Variants in PRKAR1B observed in about 807,000 individuals in gnomAD.
The protein encoded by PRKAR1B is protein kinase cAMP-dependent type I regulatory subunit beta, also known as cAMP-dependent protein kinase type I-beta regulatory subunit.
In PRKAR1B, 22 loss-of-function variants were observed where a neutral mutation model predicts 46.5. The observed-to-expected ratio is 0.47, with a 90% CI of 0.34 to 0.68. The LOEUF (loss-of-function observed/expected upper bound fraction) is 0.68. Among genes scored for constraint, PRKAR1B ranks in the 30% least tolerant of loss-of-function variants. The probability of loss-of-function intolerance (pLI) is 0.01; values close to 1 mark genes in which losing one functional copy is unlikely to be tolerated. For synonymous variants in PRKAR1B, 259 were observed against 217.7 expected, an observed-to-expected ratio of 1.19 and a Z score of -1.67; for missense variants, 445 against 535.6, an observed-to-expected ratio of 0.83 and a Z score of 1.67.
In PRKAR1B at chr7:673,075, A is replaced by AAAAC. The variant is rs1562605347; in HGVS notation, c.440+4150_440+4153dup. ...AAAAAAAAAAAAAAAAAAAAAAAAA[A>AAAAC]AAACACACACACACAGAATGGACAG... On this transcript the variant is annotated intron_variant, in intron 4 of 10. Coordinates refer to ENST00000537384, the MANE Select transcript of PRKAR1B (RefSeq NM_001164760.2). 2.8e-5 allele frequency among the ~76,000 whole-genome samples: 4 copies of AAAAC among 142,188 alleles called. No individual in the cohort carries two copies. In the East Asian group the frequency reaches 6.1e-4, roughly 22 times the overall value. 93.3% of individuals were successfully genotyped at this position (142,188 alleles called of 152,430 possible).
At chr7:583,228 C>A (rs990989403) in intron 8 of PRKAR1B, among the ~76,000 whole-genome samples, 2 of 152,254 alleles carry the variant, frequency 1.3e-5, no homozygotes, top group East Asian at 3.9e-4. Context: ...CATTTTACCA[C>A]AATGGAAAGA....
chr7:625,714 A>G (rs1212128302), intron 4 of PRKAR1B, among the ~76,000 whole-genome samples: 4 of 152,190 alleles, frequency 2.6e-5, no homozygotes, highest in Admixed American at 2.0e-4. Context: ...ATATTATGAA[A>G]AACTCTATGA....
chr7:670,462 G>A (rs1170533910), intron 4 of PRKAR1B, among the ~76,000 whole-genome samples: 3 of 152,262 alleles, frequency 2.0e-5, no homozygotes, highest in Non-Finnish European at 4.4e-5. Flanking sequence ...GGCGGCCTGG[G>A]CCTCTGAGCT....
chr7:673,077 A>AAAAAAAG (rs1554301104), intron 4 of PRKAR1B, among the ~76,000 whole-genome samples: 1 of 116,244 alleles, frequency 8.6e-6, no homozygotes, highest in Non-Finnish European at 1.7e-5. Context: ...AAAAAAAAAA[A>AAAAAAAG]ACACACACAC....
chr7:631,024 C>T (rs1452681170), intron 4 of PRKAR1B, among the ~76,000 whole-genome samples: 3 of 151,020 alleles, frequency 2.0e-5, no homozygotes, highest in Non-Finnish European at 4.4e-5. Flanking sequence ...ACAATCTTGG[C>T]TCACTGCAAC....
chr7:696,695 C>T (rs1417139986), intron 2 of PRKAR1B: 1 of 152,264 alleles, frequency 6.6e-6, no homozygotes, highest in Non-Finnish European at 1.5e-5. Context: ...GAACCAGAAG[C>T]CGCTTCTCTT....
At chr7:688,955 T>C (rs1330262545) in intron 2 of PRKAR1B, among the ~76,000 whole-genome samples, 2 of 152,146 alleles carry the variant, frequency 1.3e-5, no homozygotes, top group East Asian at 1.9e-4. Context: ...GGCAAGATCA[T>C]GTGATCAAAA....
chr7:551,759 C>T (rs1407311931), intron 9 of PRKAR1B, among the ~76,000 whole-genome samples: 1 of 144,396 alleles, frequency 6.9e-6, no homozygotes. Flanking sequence ...ACCCCCACCT[C>T]CCGCCCGGGT....
upstream of PRKAR1B, chr7:727,393 ACCCCCGCGGCTCGG>A: frequency 1.8e-6 from 1 of 543,976 alleles, no homozygotes; most frequent in East Asian, 9.8e-5. Context: ...CCCTCTCACA[ACCCCCGCGGCTCGG>A]CCCCGCCCCC....
intron 4 of PRKAR1B, among the ~76,000 whole-genome samples, chr7:635,971 C>G (rs1276948710): frequency 1.8e-5 from 2 of 113,472 alleles, no homozygotes; most frequent in African/African-American, 6.5e-5. Flanking sequence ...CCCTCACGTC[C>G]TCCACCGGCC....
Position 714,325 on chromosome 7 carries a change from C to A in PRKAR1B, c.-22-2798G>T, listed in dbSNP as rs1237851539. On this transcript the variant is annotated intron_variant, in intron 1 of 10. Transcript: ENST00000537384. The surrounding 1 kb of genome is among the most constrained non-coding windows in gnomAD (Gnocchi z 4.3). ...TCTCTGGCTGACCTCACAGGACAGC[C>A]CTCTGATCCCGAGGCGCACACACAA... 6.6e-6 allele frequency among the ~76,000 whole-genome samples: 1 copy of A among 152,168 alleles called. No individual in the cohort carries two copies. Among genetic ancestry groups the A allele is most frequent in the Non-Finnish European group, 1.5e-5 (1 of 68,012 alleles).
intron 4 of PRKAR1B, among the ~76,000 whole-genome samples, chr7:645,771 C>T (rs1039235432): frequency 1.1e-4 from 17 of 152,124 alleles, no homozygotes; most frequent in Non-Finnish European, 2.2e-4. Context: ...CCCGGATGTG[C>T]GTCTACTGGG....
rs1311471487 is a variant in PRKAR1B at position 560,227 on chromosome 7, A to C, written c.892-8757T>G. 6.6e-6 allele frequency among the ~76,000 whole-genome samples: 1 copy of C among 152,040 alleles called. No individual in the cohort carries two copies. The highest frequency in any genetic ancestry group is 1.5e-5 in the Non-Finnish European group (1 of 68,010). On this transcript the variant is annotated intron_variant, in intron 9 of 10. Coordinates refer to ENST00000537384, the MANE Select transcript of PRKAR1B (RefSeq NM_001164760.2). The surrounding 1 kb of genome is among the most constrained non-coding windows in gnomAD (Gnocchi z 4.2). Reference sequence around the variant, plus strand: ...CTTTCCTGCTGCCCTGTGAAGAGGTACCTTCCACCATGATTGTAAGTTTCC... The same window carrying C: ...CTTTCCTGCTGCCCTGTGAAGAGGTCCCTTCCACCATGATTGTAAGTTTCC...
In PRKAR1B at chr7:667,798, T is replaced by C. The variant is rs1786013473; in HGVS notation, c.440+9431A>G. Among the ~76,000 whole-genome samples the C allele has an allele frequency of 6.6e-6, 1 of 152,176 alleles. No individual in the cohort carries two copies. Among genetic ancestry groups the C allele is most frequent in the African/African-American group, 2.4e-5 (1 of 41,430 alleles). ...AACTGAGGCTGTGAGGTTGACACTATGCCTCTCACAGATCCTGTGCAAAGG... is the reference window on the plus strand; with the variant it reads ...AACTGAGGCTGTGAGGTTGACACTACGCCTCTCACAGATCCTGTGCAAAGG... On this transcript the variant is annotated intron_variant, in intron 4 of 10. Coordinates refer to ENST00000537384, the MANE Select transcript of PRKAR1B (RefSeq NM_001164760.2). The surrounding 1 kb of genome is among the most constrained non-coding windows in gnomAD (Gnocchi z 4.3).
At chr7:643,509 G>A (rs1216353765) in intron 4 of PRKAR1B, among the ~76,000 whole-genome samples, 2 of 151,342 alleles carry the variant, frequency 1.3e-5, no homozygotes, top group Non-Finnish European at 2.9e-5. Flanking sequence ...GATCACCAGA[G>A]GTTGGGAGTT....
intron 9 of PRKAR1B, among the ~76,000 whole-genome samples, chr7:553,463 T>A (rs1784375785): frequency 2.0e-5 from 3 of 152,104 alleles, no homozygotes; most frequent in Admixed American, 2.0e-4. Context: ...CCATCCCATT[T>A]TACAGCCGGG....
intron 4 of PRKAR1B, among the ~76,000 whole-genome samples, chr7:615,680 T>G (rs1782766023): frequency 1.3e-5 from 2 of 149,116 alleles, no homozygotes; most frequent in Admixed American, 6.7e-5. Flanking sequence ...AAAAAAAAAT[T>G]AGCCGGGCGT....
At chr7:604,515 A>G (rs1396132567) in intron 6 of PRKAR1B, among the ~76,000 whole-genome samples, 1 of 152,174 alleles carries the variant, frequency 6.6e-6, no homozygotes, top group Non-Finnish European at 1.5e-5. Flanking sequence ...GACAGAGCAC[A>G]CCAGGGAGAA....
At chr7:725,132 T>C (rs917844385) in intron 1 of PRKAR1B, among the ~76,000 whole-genome samples, 1 of 150,166 alleles carries the variant, frequency 6.7e-6, no homozygotes, top group East Asian at 2.0e-4. Context: ...GAGAATGGCA[T>C]GAACCTGGGA....
Sources: gnomAD v4.1 joint callset for allele counts (sites outside exome capture counted in the v4.1 genomes callset) on GRCh38, gnomAD v4.1.1 for gene constraint, Gnocchi (gnomAD v3.1) non-coding constraint, MANE v1.5 for transcripts, NCBI Gene and HGNC (gene_info 2026-07-23, HGNC 2026-07-21) for gene names.